Variants in JARID2 observed in about 807,000 individuals in gnomAD.
JARID2 encodes the protein jumonji and AT-rich interaction domain containing 2.
In JARID2, 21 loss-of-function variants were observed where a neutral mutation model predicts 125.6. The observed-to-expected ratio is 0.17, with a 90% CI of 0.12 to 0.24. The LOEUF is 0.24. JARID2 is among the 10% of genes least tolerant of loss of function. The pLI, the probability that JARID2 is intolerant of heterozygous loss-of-function variation, is 1.00. For synonymous variants in JARID2, 736 were observed against 661.6 expected, an observed-to-expected ratio of 1.11 and a Z score of -1.73; for missense variants, 1,303 against 1,639.6, an observed-to-expected ratio of 0.79 and a Z score of 3.55.
At chr6:15,267,337 C>T (rs1266393168) in intron 1 of JARID2, among the ~76,000 whole-genome samples, 1 of 152,104 alleles carries the variant, frequency 6.6e-6, no homozygotes, top group Admixed American at 6.6e-5. Flanking sequence ...ATAGAGATAG[C>T]TCAAAGATCT....
At chr6:15,489,651 C>T (rs1274943630) in intron 6 of JARID2, among the ~76,000 whole-genome samples, 3 of 152,206 alleles carry the variant, frequency 2.0e-5, no homozygotes, top group Non-Finnish European at 4.4e-5. Context: ...TGCTCCATGG[C>T]GTGTTCGTGT....
intron 1 of JARID2, among the ~76,000 whole-genome samples, chr6:15,336,511 A>G (rs1012705176): frequency 2.0e-5 from 3 of 152,210 alleles, no homozygotes; most frequent in Non-Finnish European, 4.4e-5. Context: ...AATGACATAT[A>G]ATAAGGGTCT....
intron 1 of JARID2, among the ~76,000 whole-genome samples, chr6:15,353,368 C>T (rs888610964): frequency 2.6e-5 from 4 of 152,144 alleles, no homozygotes; most frequent in African/African-American, 7.2e-5. Context: ...TAATTCATAT[C>T]GTTGTACCTA....
intron 3 of JARID2, among the ~76,000 whole-genome samples, chr6:15,415,529 C>T (rs1465146990): frequency 7.7e-6 from 1 of 130,272 alleles, no homozygotes; most frequent in South Asian, 2.3e-4. Context: ...CGGGCAGAGG[C>T]GCCCCTCACC....
At chr6:15,401,898 G>GTTTTTTT (rs34203284) in intron 2 of JARID2, among the ~76,000 whole-genome samples, 2 of 126,492 alleles carry the variant, frequency 1.6e-5, no homozygotes, top group African/African-American at 6.0e-5. Flanking sequence ...GTTGTCAGCA[G>GTTTTTTT]TTTTTTTTTT....
chr6:15,482,072 T>G lies in JARID2; in HGVS notation c.671-5235T>G, dbSNP rs1349581968. On this transcript the variant is annotated intron_variant, in intron 5 of 17. Coordinates refer to ENST00000341776, the MANE Select transcript of JARID2 (RefSeq NM_004973.4). Reference sequence around the variant, plus strand: ...TACGGATACTGCAATGAAGGATCTGTTTTTTTCAGATAAGAAAGATACTGC... The same window carrying G: ...TACGGATACTGCAATGAAGGATCTGGTTTTTTCAGATAAGAAAGATACTGC... 1.3e-5 allele frequency among the ~76,000 whole-genome samples: 2 copies of G among 152,140 alleles called. 1 individual carries two copies. The highest frequency in any genetic ancestry group is 2.9e-5 in the Non-Finnish European group (2 of 68,020).
chr6:15,510,069 C>T (rs2127761615), intron 12 of JARID2, among the ~76,000 whole-genome samples: 1 of 152,284 alleles, frequency 6.6e-6, no homozygotes, highest in East Asian at 1.9e-4. Flanking sequence ...ATGCTTTCAT[C>T]ACAGACACAT....
chr6:15,315,153 T>G (rs1363826717), intron 1 of JARID2: 1 of 152,232 alleles, frequency 6.6e-6, no homozygotes, highest in Non-Finnish European at 1.5e-5. Flanking sequence ...ATACGTATAT[T>G]AATGAAGAAC....
At chr6:15,410,510 A>T in intron 3 of JARID2, 145 bp downstream of exon 3, 1 of 760,296 alleles carries the variant, frequency 1.3e-6, no homozygotes, top group East Asian at 2.7e-5. Flanking sequence ...TTTCGTATCA[A>T]ATGCCCTGCT....
chr6:15,346,826 C>T (rs1763259247), intron 1 of JARID2, among the ~76,000 whole-genome samples: 1 of 150,256 alleles, frequency 6.7e-6, no homozygotes, highest in African/African-American at 2.5e-5. Flanking sequence ...ACCTCCACCT[C>T]CTGGGTTCAA....
chr6:15,420,263 C>T (rs891561952), intron 3 of JARID2, among the ~76,000 whole-genome samples: 15 of 151,956 alleles, frequency 9.9e-5, no homozygotes, highest in African/African-American at 1.7e-4. Context: ...ATTAGCTGGG[C>T]GTGGTGGTGC....
At chr6:15,423,999 C>G (rs568135208) in intron 3 of JARID2, among the ~76,000 whole-genome samples, 1 of 152,284 alleles carries the variant, frequency 6.6e-6, no homozygotes, top group African/African-American at 2.4e-5. Flanking sequence ...CAGGCTTCAT[C>G]CCCTCGTTGG....
chr6:15,379,645 G>A (rs1298358781), intron 2 of JARID2, among the ~76,000 whole-genome samples: 4 of 152,138 alleles, frequency 2.6e-5, no homozygotes, highest in Non-Finnish European at 5.9e-5. Context: ...AACTTACCCC[G>A]GGCAGTAGTT....
At chr6:15,409,169 C>A (rs1208490277) in intron 2 of JARID2, among the ~76,000 whole-genome samples, 3 of 152,126 alleles carry the variant, frequency 2.0e-5, no homozygotes, top group Non-Finnish European at 4.4e-5. Context: ...TTTAGTACAA[C>A]TAACAGAAGT....
At chr6:15,512,878 G>GA in intron 14 of JARID2, 37 bp from the exon 15 acceptor site, 1 of 1,599,764 alleles carries the variant, frequency 6.3e-7, no homozygotes, top group Non-Finnish European at 8.5e-7. Context: ...GCCTAGTAAT[G>GA]AAAATCCACC....
At chr6:15,388,343 T>C (rs978036325) in intron 2 of JARID2, among the ~76,000 whole-genome samples, 1 of 152,122 alleles carries the variant, frequency 6.6e-6, no homozygotes, top group Non-Finnish European at 1.5e-5. Flanking sequence ...CTAGATATGC[T>C]TCTGGGAAAT....
At chr6:15,474,033 G>C (rs1252266446) in intron 5 of JARID2, among the ~76,000 whole-genome samples, 1 of 152,222 alleles carries the variant, frequency 6.6e-6, no homozygotes, top group Non-Finnish European at 1.5e-5. Flanking sequence ...CTGGCTAGCT[G>C]TGCTGCCTTC....
chr6:15,247,423 CTTT>C (rs10712805), intron 1 of JARID2: 76 of 878,336 alleles, frequency 8.7e-5, no homozygotes, highest in Non-Finnish European at 9.1e-5. Flanking sequence ...TGTGTGGTGG[CTTT>C]TTTTTTTTTT....
chr6:15,390,025 G>T (rs888614565), intron 2 of JARID2, among the ~76,000 whole-genome samples: 1 of 152,190 alleles, frequency 6.6e-6, no homozygotes, highest in Non-Finnish European at 1.5e-5. Flanking sequence ...GAGGAGGGCG[G>T]TGCTTGAGTG....
Sources: allele counts gnomAD v4.1 joint callset (sites outside exome capture counted in the v4.1 genomes callset), GRCh38; gene constraint gnomAD v4.1.1; transcripts MANE v1.5; gene names NCBI Gene and HGNC (gene_info 2026-07-23, HGNC 2026-07-21).